The following GSK3B variants were observed in gnomAD, a reference collection of about 807,000 sequenced individuals.
The protein encoded by GSK3B is glycogen synthase kinase-3 beta.
Under a neutral mutation model 56.4 loss-of-function variants are expected in GSK3B, and 15 were observed. That is an observed-to-expected ratio of 0.27 (90% confidence interval 0.18 to 0.41). The LOEUF (loss-of-function observed/expected upper bound fraction) is 0.41, where lower values mean the gene tolerates loss of function less well. GSK3B is among the 10% of genes least tolerant of loss of function. GSK3B has a pLI of 1.00. For missense variants in GSK3B, 300 were observed against 513.4 expected, an observed-to-expected ratio of 0.58 and a Z score of 4.02; for synonymous variants, 181 against 188.9, an observed-to-expected ratio of 0.96 and a Z score of 0.34.
At chr3:120,070,078 T>C (rs1399086159) in intron 1 of GSK3B, among the ~76,000 whole-genome samples, 1 of 151,932 alleles carries the variant, frequency 6.6e-6, no homozygotes, top group Non-Finnish European at 1.5e-5. Context: ...CTGGGTGTGG[T>C]GGTGTGTGCC....
At chr3:119,951,541 A>G (rs747835887) in intron 2 of GSK3B, among the ~76,000 whole-genome samples, 12 of 152,236 alleles carry the variant, frequency 7.9e-5, no homozygotes, top group African/African-American at 1.2e-4. Context: ...AGTGCACTCC[A>G]GCCTAGAAAA....
chr3:119,945,624 T>C (rs929700172), intron 3 of GSK3B, among the ~76,000 whole-genome samples: 3 of 152,218 alleles, frequency 2.0e-5, no homozygotes, highest in Non-Finnish European at 4.4e-5. Flanking sequence ...TTCAAACGGT[T>C]TGATAGTCTT....
At chr3:119,940,709 T>G (rs1248751262) in intron 3 of GSK3B, among the ~76,000 whole-genome samples, 1 of 152,058 alleles carries the variant, frequency 6.6e-6, no homozygotes, top group Non-Finnish European at 1.5e-5. Flanking sequence ...CTTTTGGGGG[T>G]CAGAGATTTC....
intron 3 of GSK3B, among the ~76,000 whole-genome samples, chr3:119,937,995 G>GT (rs1321993817): frequency 2.0e-5 from 3 of 150,424 alleles, no homozygotes; most frequent in African/African-American, 7.5e-5. Context: ...ACAAATAATC[G>GT]TATGTTAACA....
chr3:119,880,909 C>A (rs986870079), intron 7 of GSK3B, among the ~76,000 whole-genome samples: 1 of 152,064 alleles, frequency 6.6e-6, no homozygotes, highest in Non-Finnish European at 1.5e-5. Flanking sequence ...CAAACAACAG[C>A]GGCAATGACA....
At chr3:119,928,466 A>G (rs9879295) in intron 3 of GSK3B, among the ~76,000 whole-genome samples, 81,777 of 151,478 alleles carry the variant, frequency 0.54, 25,669 homozygotes, top group African/African-American at 0.88. Flanking sequence ...TTAGCCGGGC[A>G]TGGTGGCAGG....
chr3:120,041,025 T>A (rs1454978112), intron 1 of GSK3B, among the ~76,000 whole-genome samples: 1 of 152,138 alleles, frequency 6.6e-6, no homozygotes, highest in Non-Finnish European at 1.5e-5. Flanking sequence ...ATCAAGGATC[T>A]GCCACACTGT....
chr3:119,860,088 A>C (rs1012736851), intron 9 of GSK3B, among the ~76,000 whole-genome samples: 3 of 152,226 alleles, frequency 2.0e-5, no homozygotes, highest in African/African-American at 7.2e-5. Context: ...ATTTCATACA[A>C]ATTAGGTAAA....
chr3:119,938,772 C>A (rs139459840), intron 3 of GSK3B, among the ~76,000 whole-genome samples: 18 of 151,810 alleles, frequency 1.2e-4, no homozygotes, highest in Admixed American at 3.3e-4. Context: ...ATTGTAATAC[C>A]TATAATAAAT....
At chr3:120,066,792 A>G (rs533871059) in intron 1 of GSK3B, among the ~76,000 whole-genome samples, 12 of 152,354 alleles carry the variant, frequency 7.9e-5, no homozygotes, top group Admixed American at 7.8e-4. Context: ...TGTGAAAATC[A>G]GCTACAGATA....
intron 9 of GSK3B, among the ~76,000 whole-genome samples, chr3:119,861,738 G>A (rs2056106030): frequency 1.3e-5 from 2 of 152,120 alleles, no homozygotes; most frequent in Non-Finnish European, 2.9e-5. Context: ...TTTTTAACAA[G>A]GGGCCATACC....
chr3:119,904,369 G>C (rs2056660782), intron 7 of GSK3B, among the ~76,000 whole-genome samples: 2 of 152,194 alleles, frequency 1.3e-5, no homozygotes, highest in South Asian at 2.1e-4. Context: ...AAAGAAAATA[G>C]TTCTGTTAAC....
intron 1 of GSK3B, among the ~76,000 whole-genome samples, chr3:120,009,569 T>C (rs183719166): frequency 6.6e-6 from 1 of 152,184 alleles, no homozygotes; most frequent in Non-Finnish European, 1.5e-5. Flanking sequence ...ATTCCATCAT[T>C]CTCAGCAAAC....
intron 1 of GSK3B, among the ~76,000 whole-genome samples, chr3:120,083,152 A>G (rs1403306900): frequency 1.3e-5 from 2 of 152,230 alleles, no homozygotes; most frequent in African/African-American, 4.8e-5. Flanking sequence ...AAATATGGAA[A>G]AAAACAATGA....
intron 2 of GSK3B, among the ~76,000 whole-genome samples, chr3:119,971,661 G>C (rs1247324650): frequency 7.7e-6 from 1 of 129,276 alleles, no homozygotes; most frequent in Non-Finnish European, 1.5e-5. Context: ...GCCCAGGCTG[G>C]AGTGCAGTGG....
intron 4 of GSK3B, among the ~76,000 whole-genome samples, chr3:119,918,497 C>A (rs975597242): frequency 4.2e-4 from 62 of 149,014 alleles, no homozygotes; most frequent in African/African-American, 1.3e-3. Context: ...CAAAACAAAA[C>A]AAAAAAAAAG....
chr3:120,012,643 ACAAT>A (rs1380256877), intron 1 of GSK3B, among the ~76,000 whole-genome samples: 1 of 152,194 alleles, frequency 6.6e-6, no homozygotes, highest in African/African-American at 2.4e-5. Flanking sequence ...ATACAACAGA[ACAAT>A]CACTTTCTAT....
intron 1 of GSK3B, among the ~76,000 whole-genome samples, chr3:120,067,724 C>T (rs1231641704): frequency 6.6e-6 from 1 of 152,130 alleles, no homozygotes; most frequent in African/African-American, 2.4e-5. Flanking sequence ...GTTAAATAAC[C>T]ACAGGGATGC....
intron 1 of GSK3B, among the ~76,000 whole-genome samples, chr3:120,061,802 G>A (rs754603992): frequency 3.3e-5 from 5 of 151,982 alleles, no homozygotes; most frequent in Middle Eastern, 3.2e-3. Flanking sequence ...GTGCAATCTC[G>A]GCTCACCGCA....
Sources: gnomAD v4.1 joint callset for allele counts (sites outside exome capture counted in the v4.1 genomes callset) on GRCh38, gnomAD v4.1.1 for gene constraint, MANE v1.5 for transcripts, NCBI Gene and HGNC (gene_info 2026-07-23, HGNC 2026-07-21) for gene names.